KHDC1: variants seen among roughly 807,000 people sequenced by gnomAD.
KHDC1 encodes the protein KH domain containing 1, also known as KH homology domain-containing protein 1.
Under a neutral mutation model 24.7 loss-of-function variants are expected in KHDC1, and 21 were observed. That is an observed-to-expected ratio of 0.85 (90% CI 0.60 to 1.23). The LOEUF is 1.23. Among genes scored for constraint, KHDC1 ranks in the 50% most tolerant of loss-of-function variants. KHDC1 has a pLI of 0.00. For missense variants in KHDC1, 274 were observed against 298.5 expected (o/e 0.92, Z 0.61); for synonymous variants, 98 against 111.7 (o/e 0.88, Z 0.77).
At chr6:73,302,044 C>T (rs1767886900) in intron 1 of KHDC1, among the ~76,000 whole-genome samples, 2 of 152,092 alleles carry the variant, frequency 1.3e-5, no homozygotes, top group South Asian at 4.2e-4. Flanking sequence ...AATTCCAGCA[C>T]TTTGGGAGGC....
At chr6:73,283,596 T>C (rs562729249) in intron 2 of KHDC1, among the ~76,000 whole-genome samples, 1 of 151,828 alleles carries the variant, frequency 6.6e-6, no homozygotes, top group East Asian at 1.9e-4. Context: ...TCATTCTGTT[T>C]TCTTTAATTT....
At chr6:73,289,360 GAAT>G (rs1478305375) in intron 2 of KHDC1, among the ~76,000 whole-genome samples, 5 of 63,598 alleles carry the variant, frequency 7.9e-5, no homozygotes, top group African/African-American at 2.8e-4. Flanking sequence ...AAAAAAAAAA[GAAT>G]AAAATCTGGG....
At chr6:73,267,418 G>A (rs1400475130) in intron 2 of KHDC1, among the ~76,000 whole-genome samples, 1 of 152,186 alleles carries the variant, frequency 6.6e-6, no homozygotes, top group Non-Finnish European at 1.5e-5. Flanking sequence ...GGGAGATAGA[G>A]GTTGGAGTGA....
At chr6:73,309,989 A>C in exon 1 of KHDC1, 1 of 412,836 alleles carries the variant, frequency 2.4e-6, no homozygotes, top group South Asian at 3.0e-5. Flanking sequence ...CGGTCACCAA[A>C]CAACGGTGAT....
At chr6:73,280,909 A>ACAT (rs1767391731) in intron 2 of KHDC1, among the ~76,000 whole-genome samples, 1 of 152,066 alleles carries the variant, frequency 6.6e-6, no homozygotes, top group East Asian at 1.9e-4. Context: ...TTCCTAAAGC[A>ACAT]CATCCTTTAG....
intron 2 of KHDC1, among the ~76,000 whole-genome samples, chr6:73,279,196 C>T (rs1256257753): frequency 6.6e-6 from 1 of 152,200 alleles, no homozygotes; most frequent in African/African-American, 2.4e-5. Flanking sequence ...CACTTGCAGT[C>T]AGGAGTTCAA....
exon 4 of KHDC1, chr6:73,242,165 G>A: frequency 3.1e-6 from 5 of 1,614,212 alleles, no homozygotes; most frequent in Non-Finnish European, 4.2e-6. Flanking sequence ...GCCTGTAGCT[G>A]TGAACCAACT....
exon 1 of KHDC1, chr6:73,310,197 T>G (rs1372885586): frequency 6.2e-6 from 1 of 161,534 alleles, no homozygotes; most frequent in African/African-American, 2.4e-5. Context: ...TACACCGCCC[T>G]GGACCCGCCT....
chr6:73,245,026 C>T (rs1193224268), intron 2 of KHDC1, among the ~76,000 whole-genome samples: 1 of 152,144 alleles, frequency 6.6e-6, no homozygotes, highest in Non-Finnish European at 1.5e-5. Context: ...TTCTGTACTA[C>T]AGAAGATTAA....
At chr6:73,257,049 T>C (rs1766891534) in intron 2 of KHDC1, among the ~76,000 whole-genome samples, 1 of 151,996 alleles carries the variant, frequency 6.6e-6, no homozygotes, top group African/African-American at 2.4e-5. Flanking sequence ...TCCTAACACT[T>C]TGGGAGGCTG....
chr6:73,297,811 T>C (rs1767783109), intron 1 of KHDC1, among the ~76,000 whole-genome samples: 1 of 152,162 alleles, frequency 6.6e-6, no homozygotes, highest in African/African-American at 2.4e-5. Flanking sequence ...AACATTTGTT[T>C]ATAAAGATTT....
intron 1 of KHDC1, among the ~76,000 whole-genome samples, chr6:73,295,250 C>T (rs1383103077): frequency 1.3e-5 from 2 of 152,138 alleles, no homozygotes; most frequent in Admixed American, 6.5e-5. Flanking sequence ...TCATCTTACA[C>T]CATGATTGTA....
chr6:73,242,100 T>C (rs572106838), exon 4 of KHDC1: 3 of 1,614,024 alleles, frequency 1.9e-6, no homozygotes, highest in South Asian at 2.2e-5. Flanking sequence ...CAACAAAACA[T>C]GTGCAGCAGC....
chr6:73,293,356 C>G (rs373160301), intron 1 of KHDC1: 2 of 463,670 alleles, frequency 4.3e-6, no homozygotes, highest in South Asian at 2.1e-5. Context: ...GGGTGACTTA[C>G]ATTTTGGAAA....
chr6:73,285,811 T>C (rs1415680651), intron 2 of KHDC1, among the ~76,000 whole-genome samples: 1 of 152,164 alleles, frequency 6.6e-6, no homozygotes, highest in Non-Finnish European at 1.5e-5. Flanking sequence ...CCATTTTCTA[T>C]TTTTAGAAGA....
chr6:73,246,461 A>C (rs1443040302), intron 2 of KHDC1, among the ~76,000 whole-genome samples: 2 of 152,240 alleles, frequency 1.3e-5, no homozygotes, highest in Non-Finnish European at 2.9e-5. Flanking sequence ...TCCCTAAAAC[A>C]GGTCAAATGA....
chr6:73,273,981 G>C lies in KHDC1; in HGVS notation c.206+18017C>G, dbSNP rs553087935. Among the ~76,000 whole-genome samples the C allele has an allele frequency of 3.9e-5, 6 of 152,232 alleles. No individual in the cohort carries two copies. In the South Asian group the frequency reaches 1.2e-3, roughly 32 times the overall value. ...AAAAATAAAAAGTTAACCAGGTGTGGTGGCACATACCTGTAGTCCCAGCTA... is the reference window on the plus strand; with the variant it reads ...AAAAATAAAAAGTTAACCAGGTGTGCTGGCACATACCTGTAGTCCCAGCTA... On this transcript the variant is annotated intron_variant, in intron 2 of 4. Transcript: ENST00000370384.
intron 2 of KHDC1, among the ~76,000 whole-genome samples, chr6:73,283,434 A>G (rs1032791081): frequency 2.0e-5 from 3 of 151,748 alleles, no homozygotes; most frequent in South Asian, 2.1e-4. Flanking sequence ...GTTTTGTTAT[A>G]TAGAGACAGG....
chr6:73,308,125 A>T (rs1768005699), intron 1 of KHDC1, among the ~76,000 whole-genome samples: 1 of 130,996 alleles, frequency 7.6e-6, no homozygotes, highest in African/African-American at 3.0e-5. Flanking sequence ...CCCAGACTGG[A>T]GTGCAGTGAC....
Sources: allele counts gnomAD v4.1 joint callset (sites outside exome capture counted in the v4.1 genomes callset), GRCh38; gene constraint gnomAD v4.1.1; transcripts MANE v1.5; gene names NCBI Gene and HGNC (gene_info 2026-07-23, HGNC 2026-07-21).